SV2C: variants seen among roughly 807,000 people sequenced by gnomAD.
SV2C encodes the protein solute carrier family 22 member B3.
SV2C carries 49 observed loss-of-function variants against 79.7 expected under a neutral mutation model. The observed-to-expected ratio is 0.61, with a 90% CI of 0.49 to 0.78. The LOEUF (loss-of-function observed/expected upper bound fraction) is 0.78. SV2C is among the 30% of genes least tolerant of loss of function. The probability of loss-of-function intolerance (pLI) is 0.00; values close to 1 mark genes in which losing one functional copy is unlikely to be tolerated. For synonymous variants in SV2C, 334 were observed against 333.2 expected (o/e 1.00, Z -0.03); for missense variants, 833 against 912.9 (o/e 0.91, Z 1.13).
chr5:76,037,889 G>T, the SV2C span, among the ~76,000 whole-genome samples: 1 of 152,232 alleles, frequency 6.6e-6, no homozygotes, highest in Non-Finnish European at 1.5e-5. Flanking sequence ...CTAGCAATCA[G>T]TGAGACTCCG....
chr5:76,336,726 A>C (rs1440353493), downstream of SV2C, among the ~76,000 whole-genome samples: 3 of 152,202 alleles, frequency 2.0e-5, no homozygotes, highest in Non-Finnish European at 4.4e-5. Flanking sequence ...CCCCGTCTCC[A>C]CCAAAAAAAC....
intron 12 of SV2C, among the ~76,000 whole-genome samples, chr5:76,313,395 G>A (rs868274207): frequency 1.3e-5 from 2 of 152,140 alleles, no homozygotes; most frequent in Non-Finnish European, 2.9e-5. Flanking sequence ...GCAAAAGTCA[G>A]ATTCATTTTG....
At chr5:75,867,216 A>G in the SV2C span, among the ~76,000 whole-genome samples, 1 of 152,306 alleles carries the variant, frequency 6.6e-6, no homozygotes, top group East Asian at 1.9e-4. Context: ...TTGGCCAATC[A>G]TGGATAGTTT....
At chr5:76,245,028 C>T (rs1745902482) in intron 4 of SV2C, among the ~76,000 whole-genome samples, 1 of 152,202 alleles carries the variant, frequency 6.6e-6, no homozygotes, top group African/African-American at 2.4e-5. Flanking sequence ...TATATGTCAG[C>T]TTTTCTAGGA....
chr5:76,181,729 G>A lies in SV2C; in HGVS notation c.581-13190G>A, dbSNP rs116399824. Among the ~76,000 whole-genome samples, 563 of 152,270 alleles carry A rather than the reference G, an allele frequency of 3.7e-3. 4 individuals are homozygous for A. The highest frequency in any genetic ancestry group is 0.012 in the African/African-American group (518 of 41,540). ...CCCCATGATCAACCACTTCCCACCA[G>A]GCCCCACCTTCAACATGTGGGGATT... On this transcript the variant is annotated intron_variant, in intron 2 of 12. Transcript: ENST00000502798.
intron 12 of SV2C, among the ~76,000 whole-genome samples, chr5:76,324,039 CACTT>C (rs1319651318): frequency 1.3e-5 from 2 of 152,152 alleles, no homozygotes; most frequent in African/African-American, 4.8e-5. Flanking sequence ...AAAAATAAAA[CACTT>C]AGCATGAACA....
chr5:75,897,244 A>G, the SV2C span, among the ~76,000 whole-genome samples: 604 of 151,442 alleles, frequency 4.0e-3, 10 homozygotes, highest in African/African-American at 0.014. Context: ...TTAATTTTGT[A>G]TAAGGTGTAA....
At chr5:76,210,674 C>T (rs780271911) in intron 4 of SV2C, among the ~76,000 whole-genome samples, 1 of 152,158 alleles carries the variant, frequency 6.6e-6, no homozygotes, top group East Asian at 1.9e-4. Flanking sequence ...ACTCAATCCC[C>T]AGCCCCTCTC....
At chr5:75,921,279 C>G in the SV2C span, 8 of 1,482,914 alleles carry the variant, frequency 5.4e-6, no homozygotes, top group Admixed American at 5.1e-5. Context: ...AGGTCCTTGC[C>G]ATCCCACTTG....
At chr5:76,102,133 T>A (rs1747761514) in intron 1 of SV2C, among the ~76,000 whole-genome samples, 1 of 152,198 alleles carries the variant, frequency 6.6e-6, no homozygotes. Context: ...GTGTTTAAAA[T>A]CACCAAAACA....
intron 2 of SV2C, among the ~76,000 whole-genome samples, chr5:76,193,969 A>G (rs1744186495): frequency 6.6e-6 from 1 of 152,326 alleles, no homozygotes; most frequent in East Asian, 1.9e-4. Flanking sequence ...GTTGTTTACT[A>G]TTATCTTTAA....
the SV2C span, among the ~76,000 whole-genome samples, chr5:75,903,067 A>G: frequency 7.9e-4 from 120 of 152,216 alleles, no homozygotes; most frequent in Non-Finnish European, 1.5e-3. Context: ...ATAAACTTAC[A>G]TAGTTTTGAA....
At chr5:76,014,141 A>AAAGGAAGGAAGGAAAGAAGG in the SV2C span, among the ~76,000 whole-genome samples, 2 of 139,784 alleles carry the variant, frequency 1.4e-5, no homozygotes, top group African/African-American at 5.1e-5. Context: ...AGGAATGAGG[A>AAAGGAAGGAAGGAAAGAAGG]AAGGAAGGAA....
intron 4 of SV2C, among the ~76,000 whole-genome samples, chr5:76,226,342 A>C (rs917878341): frequency 1.3e-5 from 2 of 152,190 alleles, no homozygotes; most frequent in Non-Finnish European, 2.9e-5. Context: ...AGGGAACAGA[A>C]GCAAATGAGA....
chr5:75,988,078 T>C, the SV2C span, among the ~76,000 whole-genome samples: 3 of 152,062 alleles, frequency 2.0e-5, no homozygotes, highest in African/African-American at 7.2e-5. Flanking sequence ...GTGGTTATTT[T>C]CATCCTCCCA....
At chr5:75,905,953 G>A in the SV2C span, among the ~76,000 whole-genome samples, 102 of 148,360 alleles carry the variant, frequency 6.9e-4, no homozygotes, top group African/African-American at 2.5e-3. Flanking sequence ...TGGGTCCTAA[G>A]TCCAGTGTCT....
intron 1 of SV2C, among the ~76,000 whole-genome samples, chr5:76,121,845 G>A (rs758805720): frequency 0.036 from 5,462 of 151,266 alleles, 317 homozygotes; most frequent in African/African-American, 0.13. Flanking sequence ...TTGACTTGGC[G>A]ATGCAGGCTC....
intron 4 of SV2C, among the ~76,000 whole-genome samples, chr5:76,220,882 C>T (rs1745046936): frequency 6.6e-6 from 1 of 152,140 alleles, no homozygotes; most frequent in Admixed American, 6.5e-5. Flanking sequence ...TATGTCTGTA[C>T]TCCCAGAAAG....
chr5:76,048,995 G>GAAAGAAAGA, the SV2C span, among the ~76,000 whole-genome samples: 2 of 84,180 alleles, frequency 2.4e-5, no homozygotes, highest in African/African-American at 4.1e-5. Flanking sequence ...AAGAAAGAAA[G>GAAAGAAAGA]AAAGAAAGAA....
Sources: allele counts gnomAD v4.1 joint callset (sites outside exome capture counted in the v4.1 genomes callset), GRCh38; gene constraint gnomAD v4.1.1; transcripts MANE v1.5; gene names NCBI Gene and HGNC (gene_info 2026-07-23, HGNC 2026-07-21).